Variants in PDGFC observed in about 807,000 individuals in gnomAD.
The protein encoded by PDGFC is platelet derived growth factor C, also known as platelet-derived growth factor C.
In PDGFC, 12 loss-of-function variants were observed where a neutral mutation model predicts 35.5. The ratio of observed to expected loss-of-function variants is 0.34; its 90% CI spans 0.22 to 0.55. The LOEUF (loss-of-function observed/expected upper bound fraction) is 0.55. Ranked by LOEUF, PDGFC falls within the 20% of genes least tolerant of loss-of-function variation. The pLI is 0.91. For missense variants in PDGFC, 322 were observed against 412.4 expected (o/e 0.78, Z 1.90); for synonymous variants, 159 against 148.8 (o/e 1.07, Z -0.50).
intron 2 of PDGFC, among the ~76,000 whole-genome samples, chr4:156,847,116 G>A (rs1249689355): frequency 1.3e-5 from 2 of 151,698 alleles, no homozygotes; most frequent in Non-Finnish European, 3.0e-5. Flanking sequence ...AATAATATAT[G>A]CATATACCCT....
chr4:156,818,196 A>G (rs1732145381), intron 2 of PDGFC, among the ~76,000 whole-genome samples: 6 of 151,012 alleles, frequency 4.0e-5, no homozygotes, highest in Admixed American at 3.3e-4. Flanking sequence ...GTAATCAAAT[A>G]TAATTTGATT....
At chr4:156,763,384 A>T (rs538116379) in intron 5 of PDGFC, among the ~76,000 whole-genome samples, 178 bp from the exon 6 acceptor site, 1 of 150,348 alleles carries the variant, frequency 6.7e-6, no homozygotes, top group Admixed American at 6.6e-5. Flanking sequence ...AAAAAAAAAA[A>T]TCATCATTTC....
At chr4:156,880,533 C>T (rs1285440135) in intron 1 of PDGFC, among the ~76,000 whole-genome samples, 2 of 152,126 alleles carry the variant, frequency 1.3e-5, no homozygotes, top group African/African-American at 4.8e-5. Context: ...GATATTAATG[C>T]TGTTTTCATG....
intron 1 of PDGFC, among the ~76,000 whole-genome samples, chr4:156,897,350 ATGTGTGTGTG>A (rs70956698): frequency 2.1e-5 from 3 of 142,986 alleles, no homozygotes; most frequent in Non-Finnish European, 4.6e-5. Context: ...GTGAGAGTGT[ATGTGTGTGTG>A]TGTGTGTGTG....
chr4:156,805,978 G>A (rs1731745066), intron 3 of PDGFC, among the ~76,000 whole-genome samples: 1 of 151,940 alleles, frequency 6.6e-6, no homozygotes, highest in Non-Finnish European at 1.5e-5. Context: ...CTCTGGATAA[G>A]TCATTTACAA....
chr4:156,795,652 T>C (rs1311564774), intron 3 of PDGFC, among the ~76,000 whole-genome samples: 2 of 152,218 alleles, frequency 1.3e-5, no homozygotes, highest in African/African-American at 4.8e-5. Flanking sequence ...ATTCTAAAAT[T>C]AAGAAATACT....
At chr4:156,955,594 TA>T (rs1310260708) in intron 1 of PDGFC, among the ~76,000 whole-genome samples, 1 of 151,992 alleles carries the variant, frequency 6.6e-6, no homozygotes, top group African/African-American at 2.4e-5. Flanking sequence ...AAAATGCATT[TA>T]AAAAACAAAA....
At position 156,920,493 on chromosome 4, in the gene PDGFC, G is replaced by C. The variant is rs568377357; in HGVS notation, c.118+50293C>G. On this transcript the variant is annotated intron_variant, in intron 1 of 5. Transcript: ENST00000502773. ...AAGTCGATCCTCTCTCCCAACCTCT[G>C]CAATGCCTCAATAAAATGTCTTTAG... Among the ~76,000 whole-genome samples the C allele has an allele frequency of 7.9e-5, 12 of 152,164 alleles. No homozygotes were observed. In the South Asian group the frequency reaches 2.3e-3, roughly 29 times the overall value.
chr4:156,905,238 T>A (rs1730885080), intron 1 of PDGFC, among the ~76,000 whole-genome samples: 1 of 152,088 alleles, frequency 6.6e-6, no homozygotes, highest in African/African-American at 2.4e-5. Context: ...CAAATAAAAG[T>A]TTGGCAATCT....
At chr4:156,786,534 C>T (rs1560810867) in intron 3 of PDGFC, among the ~76,000 whole-genome samples, 1 of 151,914 alleles carries the variant, frequency 6.6e-6, no homozygotes, top group Non-Finnish European at 1.5e-5. Flanking sequence ...AAATTCAACT[C>T]AAGGAATGAC....
At chr4:156,914,305 G>A (rs1731107996) in intron 1 of PDGFC, among the ~76,000 whole-genome samples, 1 of 151,968 alleles carries the variant, frequency 6.6e-6, no homozygotes, top group Non-Finnish European at 1.5e-5. Flanking sequence ...GTTCTGTGTT[G>A]CCTCCTTCTC....
At chr4:156,782,780 A>G (rs6816767) in intron 3 of PDGFC, among the ~76,000 whole-genome samples, 59,523 of 152,006 alleles carry the variant, frequency 0.39, 15,791 homozygotes, top group African/African-American at 0.75. Context: ...ACACACCTGA[A>G]AAGGCTTCTT....
chr4:156,868,348 T>A (rs1729895939), intron 1 of PDGFC, among the ~76,000 whole-genome samples: 2 of 152,218 alleles, frequency 1.3e-5, no homozygotes, highest in African/African-American at 4.8e-5. Flanking sequence ...CAGGTCACTT[T>A]AAAGTCAAAG....
At chr4:156,771,792 T>A (rs531337782) in intron 4 of PDGFC, among the ~76,000 whole-genome samples, 130 of 152,310 alleles carry the variant, frequency 8.5e-4, no homozygotes, top group Admixed American at 1.5e-3. Context: ...ATATAAATTC[T>A]CTAGGCTGTC....
At chr4:156,879,313 T>C (rs1730187997) in intron 1 of PDGFC, among the ~76,000 whole-genome samples, 1 of 152,198 alleles carries the variant, frequency 6.6e-6, no homozygotes, top group Admixed American at 6.5e-5. Flanking sequence ...CACACTCATA[T>C]AAAAATGAGC....
At chr4:156,798,869 T>A (rs137950782) in intron 3 of PDGFC, among the ~76,000 whole-genome samples, 24 of 152,172 alleles carry the variant, frequency 1.6e-4, no homozygotes, top group African/African-American at 5.8e-4. Context: ...CAGAATGTTA[T>A]TCCACTGGAA....
intron 1 of PDGFC, 86 bp from the exon 2 acceptor site, chr4:156,850,502 C>T (rs1031273837): frequency 2.8e-5 from 19 of 669,410 alleles, no homozygotes; most frequent in Non-Finnish European, 4.1e-5. Flanking sequence ...TCACACTTTA[C>T]CTCAGACAAG....
chr4:156,892,545 T>C (rs1338163084), intron 1 of PDGFC, among the ~76,000 whole-genome samples: 1 of 152,066 alleles, frequency 6.6e-6, no homozygotes. Context: ...GTCCTAATCT[T>C]TGATGAATGG....
chr4:156,886,060 T>G (rs528525630), intron 1 of PDGFC, among the ~76,000 whole-genome samples: 1 of 152,212 alleles, frequency 6.6e-6, no homozygotes, highest in Admixed American at 6.5e-5. Context: ...GCTTGTTAAA[T>G]TATTAAAATC....
Sources: gnomAD v4.1 joint callset for allele counts (sites outside exome capture counted in the v4.1 genomes callset) on GRCh38, gnomAD v4.1.1 for gene constraint, MANE v1.5 for transcripts, NCBI Gene and HGNC (gene_info 2026-07-23, HGNC 2026-07-21) for gene names.